SAMD12: variants seen among roughly 807,000 people sequenced by gnomAD.
SAMD12 encodes sterile alpha motif domain containing 12, also known as sterile alpha motif domain-containing protein 12.
A neutral mutation model predicts 15.0 loss-of-function variants in SAMD12; 9 were observed. The observed-to-expected ratio is 0.60, with a 90% CI of 0.36 to 1.05. The LOEUF is 1.05. Ranked by LOEUF, SAMD12 falls within the 50% of genes least tolerant of loss-of-function variation. The pLI is 0.01. For missense variants in SAMD12, 230 were observed against 234.2 expected (o/e 0.98, Z 0.12); for synonymous variants, 86 against 90.1 (o/e 0.96, Z 0.25).
the SAMD12 span, among the ~76,000 whole-genome samples, chr8:118,174,240 A>T: frequency 1.3e-5 from 2 of 152,200 alleles, no homozygotes; most frequent in Non-Finnish European, 2.9e-5. Flanking sequence ...TGTCATAGTC[A>T]TTTGTTGCAT....
intron 1 of SAMD12, among the ~76,000 whole-genome samples, chr8:118,608,530 GTC>G (rs1054570968): frequency 4.3e-4 from 65 of 152,190 alleles, no homozygotes; most frequent in African/African-American, 1.6e-3. Context: ...TTGAGATGGA[GTC>G]TCACTCTGTA....
chr8:118,258,902 C>T (rs1294453336), intron 4 of SAMD12, among the ~76,000 whole-genome samples: 3 of 152,072 alleles, frequency 2.0e-5, no homozygotes, highest in African/African-American at 7.2e-5. Flanking sequence ...CTCAAATAAA[C>T]CACGCTCATC....
intron 4 of SAMD12, among the ~76,000 whole-genome samples, chr8:118,294,735 T>C (rs1449811595): frequency 6.6e-6 from 1 of 152,080 alleles, no homozygotes; most frequent in African/African-American, 2.4e-5. Context: ...AATCAGAAAA[T>C]AAAAAAGAAT....
intron 2 of SAMD12, among the ~76,000 whole-genome samples, chr8:118,498,598 C>A (rs574446638): frequency 2.6e-5 from 4 of 152,260 alleles, no homozygotes; most frequent in African/African-American, 9.6e-5. Flanking sequence ...ATACTTTACC[C>A]AAACTAAATT....
chr8:118,333,190 C>G (rs7016226), intron 4 of SAMD12, among the ~76,000 whole-genome samples: 1 of 152,182 alleles, frequency 6.6e-6, no homozygotes, highest in Non-Finnish European at 1.5e-5. Flanking sequence ...GTTCTAAAAG[C>G]CAGTGTCTGC....
intron 1 of SAMD12, among the ~76,000 whole-genome samples, chr8:118,592,557 T>C (rs1361708961): frequency 2.0e-5 from 3 of 151,148 alleles, no homozygotes; most frequent in African/African-American, 7.4e-5. Flanking sequence ...TATTTTAGAA[T>C]AATTAAAGCA....
chr8:118,453,158 ATTACTTT>A (rs1421164851), intron 2 of SAMD12, among the ~76,000 whole-genome samples: 2 of 152,128 alleles, frequency 1.3e-5, no homozygotes, highest in African/African-American at 4.8e-5. Context: ...CATCTACAAT[ATTACTTT>A]TATTATATAT....
At chr8:118,427,532 CAT>C (rs1822268425) in intron 3 of SAMD12, among the ~76,000 whole-genome samples, 1 of 152,312 alleles carries the variant, frequency 6.6e-6, no homozygotes, top group Admixed American at 6.5e-5. Context: ...TCTAGAATTT[CAT>C]ATGATTGGAA....
intron 4 of SAMD12, among the ~76,000 whole-genome samples, chr8:118,268,731 T>C (rs545481004): frequency 2.6e-5 from 4 of 152,296 alleles, no homozygotes; most frequent in Non-Finnish European, 5.9e-5. Flanking sequence ...TGAGAATCAC[T>C]TGAACGTTGG....
At chr8:118,434,130 C>G (rs1418362626) in intron 3 of SAMD12, among the ~76,000 whole-genome samples, 1 of 152,124 alleles carries the variant, frequency 6.6e-6, no homozygotes, top group Non-Finnish European at 1.5e-5. Flanking sequence ...GTGATTTTCC[C>G]TTTACTCAAC....
At chr8:118,300,330 G>A (rs770970061) in intron 4 of SAMD12, among the ~76,000 whole-genome samples, 4 of 151,960 alleles carry the variant, frequency 2.6e-5, no homozygotes, top group Non-Finnish European at 5.9e-5. Context: ...ACCATTCCTA[G>A]TTTCTCCTAT....
intron 4 of SAMD12, among the ~76,000 whole-genome samples, chr8:118,335,070 C>A (rs903785261): frequency 1.3e-5 from 2 of 152,126 alleles, no homozygotes; most frequent in East Asian, 3.9e-4. Flanking sequence ...AAAATATGTT[C>A]TCTTGTGTCA....
At chr8:118,154,099 T>A in the SAMD12 span, among the ~76,000 whole-genome samples, 9 of 151,092 alleles carry the variant, frequency 6.0e-5, no homozygotes. Flanking sequence ...CTAGATCATG[T>A]CAATGCCTGC....
chr8:118,349,519 T>C (rs965645560), intron 4 of SAMD12, among the ~76,000 whole-genome samples: 4 of 152,210 alleles, frequency 2.6e-5, no homozygotes, highest in African/African-American at 9.6e-5. Context: ...TCACAGATAT[T>C]TCCTGCTGGC....
chr8:118,374,259 T>G (rs1202815036), downstream of SAMD12, among the ~76,000 whole-genome samples: 7 of 152,156 alleles, frequency 4.6e-5, no homozygotes, highest in Admixed American at 4.6e-4. Context: ...TGTGACTCGC[T>G]TATTTTGTTT....
intron 4 of SAMD12, among the ~76,000 whole-genome samples, chr8:118,286,380 T>A (rs1356190311): frequency 6.6e-6 from 1 of 152,124 alleles, no homozygotes; most frequent in Non-Finnish European, 1.5e-5. Flanking sequence ...GGGATGGCAA[T>A]GCTTGTTTCT....
intron 2 of SAMD12, among the ~76,000 whole-genome samples, chr8:118,442,426 G>A (rs1822790247): frequency 6.6e-6 from 1 of 152,154 alleles, no homozygotes; most frequent in African/African-American, 2.4e-5. Context: ...CCTTCATACT[G>A]GGGTAATGGG....
At chr8:118,238,258 A>G (rs557865732) in intron 4 of SAMD12, among the ~76,000 whole-genome samples, 2 of 152,258 alleles carry the variant, frequency 1.3e-5, no homozygotes, top group South Asian at 4.1e-4. Flanking sequence ...GGGATTATAC[A>G]TGCTAGCCAA....
intron 4 of SAMD12, among the ~76,000 whole-genome samples, chr8:118,335,195 C>T (rs1364520361): frequency 6.6e-6 from 1 of 152,202 alleles, no homozygotes; most frequent in African/African-American, 2.4e-5. Context: ...AGTACACATG[C>T]AAGACCTCAA....
Sources: gnomAD v4.1 joint callset for allele counts (sites outside exome capture counted in the v4.1 genomes callset) on GRCh38, gnomAD v4.1.1 for gene constraint, MANE v1.5 for transcripts, NCBI Gene and HGNC (gene_info 2026-07-23, HGNC 2026-07-21) for gene names.